Variants in PTPRD observed in about 807,000 individuals in gnomAD.
PTPRD encodes the protein receptor-type tyrosine-protein phosphatase delta.
In PTPRD, 34 loss-of-function variants were observed where a neutral mutation model predicts 214.5. The observed-to-expected ratio is 0.16, with a 90% CI of 0.12 to 0.21. PTPRD has a LOEUF of 0.21. PTPRD is among the 10% of genes least tolerant of loss of function. The probability of loss-of-function intolerance (pLI) is 1.00; values close to 1 mark genes in which losing one functional copy is unlikely to be tolerated. For missense variants in PTPRD, 2,545 were observed against 2,398.7 expected (o/e 1.06, Z -1.27); for synonymous variants, 1,128 against 845.7 (o/e 1.33, Z -5.79).
At chr9:9,933,313 G>A (rs1484779324) in intron 5 of PTPRD, among the ~76,000 whole-genome samples, 1 of 152,104 alleles carries the variant, frequency 6.6e-6, no homozygotes, top group Admixed American at 6.5e-5. Context: ...ACCCATCAGT[G>A]TGCTGTATTC....
At chr9:8,684,448 A>G (rs753181986) in intron 12 of PTPRD, among the ~76,000 whole-genome samples, 2 of 151,670 alleles carry the variant, frequency 1.3e-5, no homozygotes, top group African/African-American at 2.4e-5. Context: ...AAACCCCATG[A>G]TACTCCTCTT....
intron 7 of PTPRD, among the ~76,000 whole-genome samples, chr9:9,641,231 G>T (rs189893260): frequency 6.6e-6 from 1 of 152,290 alleles, no homozygotes; most frequent in Admixed American, 6.5e-5. Context: ...TTGAGTGTTG[G>T]CAAGGAAATA....
chr9:10,551,365 T>C (rs969918268), intron 2 of PTPRD, among the ~76,000 whole-genome samples: 4 of 151,920 alleles, frequency 2.6e-5, no homozygotes, highest in African/African-American at 9.7e-5. Flanking sequence ...AAATAAAAAT[T>C]ACATATTTAC....
chr9:8,924,072 T>A (rs2098846520), intron 11 of PTPRD, among the ~76,000 whole-genome samples: 1 of 152,114 alleles, frequency 6.6e-6, no homozygotes, highest in South Asian at 2.1e-4. Flanking sequence ...TTTAATTTTA[T>A]TATTATGTCT....
At chr9:9,825,216 C>T (rs2052324399) in intron 5 of PTPRD, among the ~76,000 whole-genome samples, 1 of 151,498 alleles carries the variant, frequency 6.6e-6, no homozygotes, top group Non-Finnish European at 1.5e-5. Context: ...AGAATAAATG[C>T]TTGATTTTAA....
At chr9:8,811,731 T>C (rs1399613090) in intron 11 of PTPRD, among the ~76,000 whole-genome samples, 1 of 152,220 alleles carries the variant, frequency 6.6e-6, no homozygotes, top group Non-Finnish European at 1.5e-5. Flanking sequence ...AAAAGTATCT[T>C]TGCCCCCAGA....
chr9:8,810,645 G>C (rs904303318), intron 11 of PTPRD, among the ~76,000 whole-genome samples: 1 of 152,190 alleles, frequency 6.6e-6, no homozygotes, highest in African/African-American at 2.4e-5. Context: ...AAGAGAAGTA[G>C]AGATCTGAAT....
At chr9:9,067,211 TAAGAGTGAGACTCCGTCTCAAA>T (rs760487774) in intron 10 of PTPRD, among the ~76,000 whole-genome samples, 11 of 152,112 alleles carry the variant, frequency 7.2e-5, no homozygotes, top group Non-Finnish European at 1.2e-4. Context: ...GCCTGGGCAA[TAAGAGTGAGACTCCGTCTCAAA>T]AACAAACAGA....
At position 9,525,929 on chromosome 9, in the gene PTPRD, C is replaced by T. The variant is rs144887867; in HGVS notation, c.-237+48803G>A. Among the ~76,000 whole-genome samples the T allele has an allele frequency of 1.3e-4, 20 of 152,104 alleles. No individual in the cohort carries two copies. The East Asian group carries it at 2.1e-3, about 16-fold the overall frequency. ...AGTCAACATAAAAAACATTGCCTCA[C>T]TCTAGAAATCCTCATATGTTCCTTT... On this transcript the variant is annotated intron_variant, in intron 8 of 45. Coordinates refer to ENST00000381196, the MANE Select transcript of PTPRD (RefSeq NM_002839.4).
intron 7 of PTPRD, among the ~76,000 whole-genome samples, chr9:9,700,860 G>A: frequency 6.6e-6 from 1 of 152,014 alleles, no homozygotes; most frequent in East Asian, 1.9e-4. Context: ...AAAAAATGTG[G>A]CTTCTGCCAT....
intron 6 of PTPRD, among the ~76,000 whole-genome samples, chr9:9,741,338 C>G (rs929328760): frequency 3.7e-5 from 5 of 134,408 alleles, no homozygotes; most frequent in Non-Finnish European, 7.7e-5. Flanking sequence ...CACAGGCAAT[C>G]AATGAAATTT....
At chr9:9,361,729 C>T (rs1489400865) in intron 9 of PTPRD, among the ~76,000 whole-genome samples, 1 of 151,094 alleles carries the variant, frequency 6.6e-6, no homozygotes, top group Admixed American at 6.6e-5. Context: ...TGGTCTTGAT[C>T]TTTCAGTCTC....
rs543132567 is a variant in PTPRD at position 9,344,857 on chromosome 9, T to A, written c.-203+52592A>T. Among the ~76,000 whole-genome samples the A allele has an allele frequency of 4.7e-4, 72 of 152,144 alleles. No individual in the cohort carries two copies. The South Asian group carries it at 6.0e-3, about 13-fold the overall frequency. On this transcript the variant is annotated intron_variant, in intron 9 of 45. Coordinates refer to ENST00000381196, the MANE Select transcript of PTPRD (RefSeq NM_002839.4). ...TAAGAAAAAAAATGAGATGTACCTG[T>A]GGGGCCAATAAATGTATATAATTAT...
chr9:10,176,964 T>TA (rs1199048477), intron 3 of PTPRD, among the ~76,000 whole-genome samples: 2 of 151,992 alleles, frequency 1.3e-5, no homozygotes, highest in South Asian at 2.1e-4. Context: ...AGCTCTCTTA[T>TA]ACAGTGTTGT....
intron 2 of PTPRD, among the ~76,000 whole-genome samples, chr9:10,385,897 T>A (rs1393348984): frequency 1.3e-5 from 2 of 151,838 alleles, no homozygotes. Context: ...TAAGAGATAA[T>A]TATATTTTTT....
rs60479349 is a variant in PTPRD, at chr9:9,445,690, A to G, written c.-236-48208T>C. 3.1e-3 allele frequency among the ~76,000 whole-genome samples: 469 copies of G among 152,260 alleles called. 2 individuals carry two copies. The highest frequency in any genetic ancestry group is 0.011 in the African/African-American group (458 of 41,562). Reference sequence around the variant, plus strand: ...TATCACGAGAACAGCGGCATGGGGTAAATGCCCCCATGATTCAGTTACCTC... The same window carrying G: ...TATCACGAGAACAGCGGCATGGGGTGAATGCCCCCATGATTCAGTTACCTC... On this transcript the variant is annotated intron_variant, in intron 8 of 45. Coordinates refer to ENST00000381196, the MANE Select transcript of PTPRD (RefSeq NM_002839.4).
intron 44 of PTPRD, among the ~76,000 whole-genome samples, chr9:8,329,303 G>A (rs979744143): frequency 6.6e-6 from 1 of 152,066 alleles, no homozygotes. Flanking sequence ...TTTGCTGGAG[G>A]TCTATTCCAG....
At chr9:9,670,624 C>T (rs1462558594) in intron 7 of PTPRD, among the ~76,000 whole-genome samples, 3 of 152,192 alleles carry the variant, frequency 2.0e-5, no homozygotes, top group African/African-American at 7.2e-5. Flanking sequence ...TGTCCTGGTG[C>T]TGTGTGCAGC....
At chr9:10,103,291 T>G (rs150516300) in intron 3 of PTPRD, among the ~76,000 whole-genome samples, 1 of 150,358 alleles carries the variant, frequency 6.7e-6, no homozygotes, top group African/African-American at 2.4e-5. Flanking sequence ...ATTTCTTGAT[T>G]ATCACAATTT....
Sources: allele counts gnomAD v4.1 joint callset (sites outside exome capture counted in the v4.1 genomes callset), GRCh38; gene constraint gnomAD v4.1.1; transcripts MANE v1.5; gene names NCBI Gene and HGNC (gene_info 2026-07-23, HGNC 2026-07-21).